Variants in BTD observed in about 807,000 individuals in gnomAD.
BTD encodes biotinidase, also known as biocytinase.
In BTD, 13 loss-of-function variants were observed where a neutral mutation model predicts 17.7. That is an observed-to-expected ratio of 0.74 (90% CI 0.48 to 1.17). BTD has a LOEUF of 1.17. BTD is among the 50% of genes most tolerant of loss of function. The pLI, the probability that BTD is intolerant of heterozygous loss-of-function variation, is 0.00. For synonymous variants in BTD, 240 were observed against 245.2 expected (o/e 0.98, Z 0.20); for missense variants, 674 against 650.4 (o/e 1.04, Z -0.39).
intron 1 of BTD, among the ~76,000 whole-genome samples, chr3:15,628,836 A>C (rs1266746623): frequency 6.6e-6 from 1 of 152,214 alleles, no homozygotes; most frequent in Non-Finnish European, 1.5e-5. Flanking sequence ...ATTTAAAAAT[A>C]ATCTGTTTCA....
intron 3 of BTD, among the ~76,000 whole-genome samples, chr3:15,666,307 G>T (rs898861975): frequency 1.3e-5 from 2 of 152,182 alleles, no homozygotes; most frequent in East Asian, 1.9e-4. Flanking sequence ...CAGTCATTAG[G>T]GGGTTAAGAG....
At chr3:15,661,574 T>C (rs1045487209) in intron 3 of BTD, among the ~76,000 whole-genome samples, 1 of 152,120 alleles carries the variant, frequency 6.6e-6, no homozygotes, top group South Asian at 2.1e-4. Flanking sequence ...TCTTTTGCAA[T>C]TTTTTTCCTC....
chr3:15,687,586 A>G (rs2068281525), intron 3 of BTD, among the ~76,000 whole-genome samples: 1 of 152,202 alleles, frequency 6.6e-6, no homozygotes, highest in South Asian at 2.1e-4. Flanking sequence ...ATTTCTTCTA[A>G]TTAAAAGATG....
chr3:15,640,675 A>C (rs1289598538), intron 2 of BTD, among the ~76,000 whole-genome samples: 1 of 152,122 alleles, frequency 6.6e-6, no homozygotes, highest in East Asian at 1.9e-4. Context: ...ACAGGCGTGA[A>C]CTGCCATGCT....
At chr3:15,712,281 TA>T in exon 4 of BTD, 1 of 1,322,330 alleles carries the variant, frequency 7.6e-7, no homozygotes, top group Middle Eastern at 1.8e-4. Context: ...TACAATCAGT[TA>T]AATACATTAC....
At position 15,678,283 on chromosome 3, in the gene BTD, T is replaced by G. The variant is rs752589114; in HGVS notation, c.400-31777T>G. On this transcript the variant is annotated intron_variant, in intron 3 of 3. Transcript: ENST00000672141. ...CCCTGTAGAGTCCACAGAATTGACT[T>G]GAGCATTATGGCTGAGCAGCAGCTG... The G allele has an allele frequency of 3.8e-5, 62 of 1,613,034 alleles. No homozygotes were observed. The highest frequency in any genetic ancestry group is 5.2e-5 in the Non-Finnish European group (61 of 1,179,644).
At chr3:15,702,819 C>T (rs2070802807) in intron 3 of BTD, among the ~76,000 whole-genome samples, 1 of 152,024 alleles carries the variant, frequency 6.6e-6, no homozygotes, top group Non-Finnish European at 1.5e-5. Flanking sequence ...TCTTACCACC[C>T]CCCACCACCC....
chr3:15,641,009 TG>T (rs1423718136), intron 2 of BTD, among the ~76,000 whole-genome samples: 1 of 152,174 alleles, frequency 6.6e-6, no homozygotes, highest in Non-Finnish European at 1.5e-5. Flanking sequence ...CCTTCCTCCC[TG>T]GGGCTGGTGT....
chr3:15,695,069 G>A (rs1016240829), intron 3 of BTD: 17 of 857,022 alleles, frequency 2.0e-5, no homozygotes, highest in African/African-American at 3.4e-5. Context: ...TTCTGTCACC[G>A]TCTTTGTGCC....
downstream of BTD, among the ~76,000 whole-genome samples, chr3:15,716,749 T>TA (rs568178817): frequency 3.9e-5 from 6 of 152,308 alleles, no homozygotes; most frequent in South Asian, 1.2e-3. Flanking sequence ...ATTTGGAAGA[T>TA]ATAACTATAG....
At chr3:15,658,417 A>G (rs189241283), downstream of BTD, among the ~76,000 whole-genome samples, 31 of 152,322 alleles carry the variant, frequency 2.0e-4, no homozygotes, top group East Asian at 4.8e-3. Context: ...CCACAGGGAC[A>G]ATGGAACGTT....
At chr3:15,662,853 GTTTTT>G (rs34083448) in intron 3 of BTD, among the ~76,000 whole-genome samples, 21 of 126,560 alleles carry the variant, frequency 1.7e-4, no homozygotes, top group Middle Eastern at 4.2e-3. Flanking sequence ...CAGGCTGGAG[GTTTTT>G]TTTTTTTTTT....
intron 3 of BTD, chr3:15,676,809 T>TTA (rs1406772694): frequency 2.0e-6 from 1 of 510,030 alleles, no homozygotes; most frequent in Non-Finnish European, 3.4e-6. Flanking sequence ...AATATGGCTT[T>TTA]TAGTTGTGAT....
intron 1 of BTD, among the ~76,000 whole-genome samples, chr3:15,623,412 A>T (rs1019371709): frequency 2.0e-5 from 3 of 152,198 alleles, no homozygotes; most frequent in Non-Finnish European, 4.4e-5. Context: ...GATTATTGAT[A>T]TAGTTGGATT....
intron 3 of BTD, among the ~76,000 whole-genome samples, chr3:15,661,301 A>G (rs1264291331): frequency 2.0e-5 from 3 of 147,310 alleles, no homozygotes; most frequent in Non-Finnish European, 3.0e-5. Context: ...AAAGAAAAAG[A>G]AAAAGAGCTC....
chr3:15,707,824 A>T, intron 3 of BTD: 1 of 1,405,766 alleles, frequency 7.1e-7, no homozygotes, highest in Admixed American at 2.2e-5. Flanking sequence ...ATCAACAAAA[A>T]ATACAAAGAG....
At chr3:15,627,544 A>T (rs564014232) in intron 1 of BTD, among the ~76,000 whole-genome samples, 36 of 152,112 alleles carry the variant, frequency 2.4e-4, no homozygotes, top group African/African-American at 8.4e-4. Flanking sequence ...GGTAATTTTG[A>T]CTATGCCACT....
chr3:15,631,606 G>T (rs2065207363), intron 1 of BTD: 1 of 950,220 alleles, frequency 1.1e-6, no homozygotes, highest in African/African-American at 1.6e-5. Context: ...TAGATGGAAA[G>T]AACCTTCCTG....
intron 3 of BTD, among the ~76,000 whole-genome samples, chr3:15,688,870 C>T (rs1394642936): frequency 6.6e-6 from 1 of 152,166 alleles, no homozygotes; most frequent in Non-Finnish European, 1.5e-5. Context: ...TAAAGCCTGT[C>T]TGCATAAATG....
Sources: allele counts gnomAD v4.1 joint callset (sites outside exome capture counted in the v4.1 genomes callset), GRCh38; gene constraint gnomAD v4.1.1; transcripts MANE v1.5; gene names NCBI Gene and HGNC (gene_info 2026-07-23, HGNC 2026-07-21).